Variants in OPA1 observed in about 807,000 individuals in gnomAD.
OPA1 encodes dynamin-like GTPase OPA1, mitochondrial.
In OPA1, 59 loss-of-function variants were observed where a neutral mutation model predicts 152.9. The ratio of observed to expected loss-of-function variants is 0.39; its 90% CI spans 0.31 to 0.48. The LOEUF is 0.48. Ranked by LOEUF, OPA1 falls within the 20% of genes least tolerant of loss-of-function variation. OPA1 has a pLI of 0.96. For missense variants in OPA1, 1,008 were observed against 1,216.8 expected, an observed-to-expected ratio of 0.83 and a Z score of 2.55; for synonymous variants, 400 against 389.9, an observed-to-expected ratio of 1.03 and a Z score of -0.31.
Position 193,615,732 on chromosome 3 carries a change from C to G in OPA1, c.410C>G (p.Pro137Arg). 2.5e-6 allele frequency: 4 copies of G among 1,612,514 alleles called. No individual in the cohort carries two copies. The highest frequency in any genetic ancestry group is 3.4e-6 in the Non-Finnish European group (4 of 1,178,728). Residue 137 changes from proline (P) to arginine (R), a missense_variant, in exon 3 of 31, where the codon CCT becomes CGT. Physicochemically the swap from Pro to Arg is moderately radical, Grantham distance 103. Around this residue, in one of 7 missense-constraint regions of OPA1, gnomAD observed 408 missense variants for 395.1 expected, o/e 1.03. Coordinates refer to ENST00000361510, the MANE Select transcript of OPA1 (RefSeq NM_130837.3). Reference sequence around the variant, plus strand: ...CTTAGTGAATATAAATGGATTGTGCCTGACATTGTGTGGGAAATTGATGAG... The same window carrying G: ...CTTAGTGAATATAAATGGATTGTGCGTGACATTGTGTGGGAAATTGATGAG... ...PDLSEYKWIV[P>R]DIVWEIDEYI... is the part of the protein sequence containing the mutation.
chr3:193,605,044 G>A (rs13086245), intron 1 of OPA1, among the ~76,000 whole-genome samples: 3,241 of 152,204 alleles, frequency 0.021, 51 homozygotes, highest in Non-Finnish European at 0.032. Context: ...GGAAACTGTA[G>A]TGTCATTAAC....
Position 193,647,631 on chromosome 3 carries a change from C to T in OPA1, c.1871-439C>T, listed in dbSNP as rs116498517. Among the ~76,000 whole-genome samples, 795 of 152,292 alleles carry T rather than the reference C, an allele frequency of 5.2e-3. 6 individuals are homozygous for T. The highest frequency in any genetic ancestry group is 0.02 in the Middle Eastern group (6 of 294). On this transcript the variant is annotated intron_variant, in intron 19 of 30. Transcript: ENST00000361510. ...TTCCCATATGTAAATCCTACCTGAT[C>T]CTACCTATTTATGCCAGTTAGTCCC... is the stretch of plus-strand genomic sequence containing the variant.
In OPA1 at chr3:193,663,495, C is replaced by T. The variant is rs1180331803; in HGVS notation, c.2661+533C>T. Among the ~76,000 whole-genome samples the T allele has an allele frequency of 2.0e-5, 3 of 152,044 alleles. No individual in the cohort carries two copies. The East Asian group carries it at 5.8e-4, about 29-fold the overall frequency. ...TACACTTTAGGCTACTTTTTGCTTA[C>T]CTTCATGATGCTTTTTTTGAGGATG... On this transcript the variant is annotated intron_variant, in intron 26 of 30. Coordinates refer to ENST00000361510, the MANE Select transcript of OPA1 (RefSeq NM_130837.3).
chr3:193,609,576 T>C (rs972806317), intron 1 of OPA1, among the ~76,000 whole-genome samples: 20 of 152,360 alleles, frequency 1.3e-4, no homozygotes, highest in African/African-American at 4.6e-4. Context: ...TGAATTTGAA[T>C]GTTGGCCTGC....
intron 1 of OPA1, among the ~76,000 whole-genome samples, chr3:193,594,138 C>T (rs534432979): frequency 2.0e-5 from 3 of 152,064 alleles, no homozygotes; most frequent in Admixed American, 6.6e-5. Context: ...CATTTCTGTG[C>T]GTTACTATAT....
At chr3:193,643,155 T>C in intron 13 of OPA1, 106 bp downstream of exon 13, 1 of 967,714 alleles carries the variant, frequency 1.0e-6, no homozygotes, top group Non-Finnish European at 1.6e-6. Flanking sequence ...GCTATCTAGA[T>C]ATGTAGAGCT....
chr3:193,598,535 A>G (rs1725957851), intron 1 of OPA1, among the ~76,000 whole-genome samples: 1 of 152,230 alleles, frequency 6.6e-6, no homozygotes, highest in Non-Finnish European at 1.5e-5. Flanking sequence ...AGAGAGAAAA[A>G]CAATAAGGCT....
rs561983485 is a variant in OPA1, at chr3:193,630,102, T to C, written c.790-1510T>C. On this transcript the variant is annotated intron_variant, in intron 7 of 30. Coordinates refer to ENST00000361510, the MANE Select transcript of OPA1 (RefSeq NM_130837.3). ...GCCAAATGATCATAATGTGGAATTA[T>C]GTATTTCTTCATTGGCTTTCAAGAT... 3.9e-5 allele frequency among the ~76,000 whole-genome samples: 6 copies of C among 152,370 alleles called. No individual in the cohort carries two copies. In the East Asian group the frequency reaches 7.7e-4, roughly 20 times the overall value.
chr3:193,621,812 A>G lies in OPA1; in HGVS notation c.678+2876A>G, dbSNP rs149091884. On this transcript the variant is annotated intron_variant, in intron 6 of 30. Transcript: ENST00000361510. ...ATATTACTGAGACTCGGAGACCTTC[A>G]GAACTACCTGAAGATGAATCGAAGT... 1.6e-4 allele frequency among the ~76,000 whole-genome samples: 24 copies of G among 152,330 alleles called. 2 individuals carry two copies. In the East Asian group the frequency reaches 4.6e-3, roughly 29 times the overall value.
At chr3:193,635,596 A>G (rs1732809091) in intron 9 of OPA1, 74 bp downstream of exon 9, 3 of 856,906 alleles carry the variant, frequency 3.5e-6, no homozygotes, top group Non-Finnish European at 4.0e-6. Flanking sequence ...ACCAGTTTCT[A>G]AGGAGCTGTA....
At chr3:193,680,989 T>G (rs929098205) in intron 29 of OPA1, among the ~76,000 whole-genome samples, 2 of 152,164 alleles carry the variant, frequency 1.3e-5, no homozygotes, top group Non-Finnish European at 2.9e-5. Context: ...AGTAAATCAT[T>G]GTAATCTTAT....
chr3:193,636,643 G>C (rs759365653), intron 9 of OPA1, among the ~76,000 whole-genome samples: 2 of 151,990 alleles, frequency 1.3e-5, no homozygotes, highest in African/African-American at 4.8e-5. Context: ...AGCAAGAAAC[G>C]ATACAGGATA....
intron 29 of OPA1, among the ~76,000 whole-genome samples, chr3:193,683,065 G>T (rs1720411692): frequency 6.6e-6 from 1 of 152,148 alleles, no homozygotes; most frequent in Admixed American, 6.5e-5. Flanking sequence ...ATGGGAGGAG[G>T]TCAGAATGTC....
At position 193,666,353 on chromosome 3, in the gene OPA1, G is replaced by A. The variant is rs532733755; in HGVS notation, c.2836G>A (p.Ala946Thr). Residue 946 changes from alanine to threonine, a missense_variant, in exon 28 of 31, where the codon GCA becomes ACA. Ala to Thr is a moderately conservative substitution (Grantham distance 58). Transcript: ENST00000361510. ...TATACAGCGCATGCTTGCTATCACCGCAAATACTTTAAGGCAACAACTTAC... is the reference window on the plus strand; with the variant it reads ...TATACAGCGCATGCTTGCTATCACCACAAATACTTTAAGGCAACAACTTAC... ...WRIQRMLAIT[A>T]NTLRQQLTNT... is the part of the protein sequence containing the mutation. The A allele has an allele frequency of 8.7e-6, 14 of 1,613,980 alleles. No individual in the cohort carries two copies. The highest frequency in any genetic ancestry group is 5.3e-5 in the African/African-American group (4 of 75,020).
At chr3:193,604,869 A>AAAAAAAAAG (rs1553867624) in intron 1 of OPA1, among the ~76,000 whole-genome samples, 3 of 145,928 alleles carry the variant, frequency 2.1e-5, no homozygotes, top group African/African-American at 5.2e-5. Context: ...TCAAAAAAAA[A>AAAAAAAAAG]AAAAAAGAAA....
intron 21 of OPA1, among the ~76,000 whole-genome samples, chr3:193,652,665 A>G (rs2109116729): frequency 6.6e-6 from 1 of 152,250 alleles, no homozygotes; most frequent in East Asian, 1.9e-4. Context: ...AAAGGTTTGG[A>G]GGTAAGAATA....
intron 29 of OPA1, among the ~76,000 whole-genome samples, chr3:193,683,928 A>G (rs1720561050): frequency 6.6e-6 from 1 of 152,132 alleles, no homozygotes; most frequent in South Asian, 2.1e-4. Context: ...CATATCTCCC[A>G]AGTATGCTGG....
At chr3:193,679,247 T>G (rs1414898659) in intron 29 of OPA1, among the ~76,000 whole-genome samples, 1 of 152,064 alleles carries the variant, frequency 6.6e-6, no homozygotes, top group East Asian at 1.9e-4. Flanking sequence ...TGTTTTTGTT[T>G]TTGTTTTTAA....
Position 193,614,861 on chromosome 3 carries a change from A to G in OPA1, c.171A>G (p.Thr57=). 5 of 1,614,118 alleles carry G rather than the reference A, an allele frequency of 3.1e-6. No individual in the cohort carries two copies. The highest frequency in any genetic ancestry group is 4.2e-6 in the Non-Finnish European group (5 of 1,179,932). ...AGCTTCAACGACCCCAATTAAGGAC[A>G]TCCTTTCAGCAGTTCTCTTCTCTGA... is the stretch of plus-strand genomic sequence containing the variant. ...TLKLQRPQLR[T]SFQQFSSLTN... Residue 57 remains threonine (T), a synonymous_variant, in exon 2 of 31, where the codon ACA becomes ACG. Coordinates refer to ENST00000361510, the MANE Select transcript of OPA1 (RefSeq NM_130837.3).
Sources: allele counts gnomAD v4.1 joint callset (sites outside exome capture counted in the v4.1 genomes callset), GRCh38; gene constraint gnomAD v4.1.1; regional missense constraint gnomAD v4.1.1; transcripts MANE v1.5; gene names NCBI Gene and HGNC (gene_info 2026-07-23, HGNC 2026-07-21).